The following COL6A2 variants were observed in gnomAD, a reference collection of about 807,000 sequenced individuals.
COL6A2 encodes collagen alpha-2(VI) chain.
Under a neutral mutation model 124.9 loss-of-function variants are expected in COL6A2, and 90 were observed. That is an observed-to-expected ratio of 0.72 (90% CI 0.61 to 0.86). The LOEUF is 0.86. Ranked by LOEUF, COL6A2 falls within the 40% of genes least tolerant of loss-of-function variation. The pLI is 0.00. For missense variants in COL6A2, 1,607 were observed against 1,502.5 expected (o/e 1.07, Z -1.15); for synonymous variants, 793 against 618.2 (o/e 1.28, Z -4.19).
chr21:46,107,456 G>A (rs1377519647), intron 1 of COL6A2, among the ~76,000 whole-genome samples: 1 of 152,124 alleles, frequency 6.6e-6, no homozygotes, highest in Non-Finnish European at 1.5e-5. Context: ...ATTTTGAAAT[G>A]GCCCTGCAAA....
chr21:46,112,984 A>G, intron 4 of COL6A2, 160 bp downstream of exon 4: 2 of 891,076 alleles, frequency 2.2e-6, no homozygotes, highest in Non-Finnish European at 3.5e-6. Context: ...GTCTGGAGAA[A>G]GGGCTCCCAG....
chr21:46,116,723 G>T lies in COL6A2; in HGVS notation c.954+46G>T, dbSNP rs2078476430. The stretch of plus-strand genomic sequence containing the variant: ...GAGCCCCTCCTTCCTGCTGCTCAGG[G>T]CAGAAGGACCGGGGCTAATGGAGTT... On this transcript the variant is annotated intron_variant, in intron 9 of 27. Transcript: ENST00000300527. The surrounding 1 kb of genome is among the most constrained non-coding windows in gnomAD (Gnocchi z 4.6). 3.7e-6 allele frequency: 6 copies of T among 1,613,062 alleles called. No individual in the cohort carries two copies. Among genetic ancestry groups the T allele is most frequent in the Non-Finnish European group, 4.2e-6 (5 of 1,180,000 alleles).
At chr21:46,126,611 G>A in intron 27 of COL6A2, 70 bp downstream of exon 27, 1 of 1,592,314 alleles carries the variant, frequency 6.3e-7, no homozygotes, top group Non-Finnish European at 8.6e-7. Flanking sequence ...CTCCTCGAGG[G>A]CCGGGCTGGG....
Position 46,122,138 on chromosome 21 carries a change from C to A in COL6A2, c.1552C>A (p.Pro518Thr). ...GDPGRPGFSY[P>T]GPRGAPGEKG... ...CCCCGGCAGGCCTGGATTCAGCTAC[C>A]CAGGACCCCGAGGAGCACCCGTGAG... The change falls in exon 19 of 28, where the codon CCA becomes ACA. Residue 518 changes from proline to threonine, a missense_variant. Physicochemically the swap from Pro to Thr is conservative, Grantham distance 38. Transcript: ENST00000300527. The A allele has an allele frequency of 6.2e-7, 1 of 1,612,748 alleles. No homozygotes were observed. Among genetic ancestry groups the A allele is most frequent in the Non-Finnish European group, 8.5e-7 (1 of 1,179,994 alleles).
chr21:46,127,144 G>A (rs2078683484), intron 27 of COL6A2, among the ~76,000 whole-genome samples: 1 of 152,128 alleles, frequency 6.6e-6, no homozygotes, highest in Non-Finnish European at 1.5e-5. Flanking sequence ...ACCGTACCTG[G>A]GCCCACAGGA....
At chr21:46,121,310 C>T (rs1183967050) in intron 17 of COL6A2, among the ~76,000 whole-genome samples, 187 bp downstream of exon 17, 1 of 152,192 alleles carries the variant, frequency 6.6e-6, no homozygotes, top group African/African-American at 2.4e-5. Context: ...CCCCAGCCCC[C>T]CATCCTGCCC....
chr21:46,120,653 G>GGATCTGAGGGGGTGCAGGGGGGC, intron 16 of COL6A2, 76 bp downstream of exon 16: 1 of 1,364,482 alleles, frequency 7.3e-7, no homozygotes, highest in Non-Finnish European at 9.7e-7. Context: ...CCAAGGTAGG[G>GGATCTGAGGGGGTGCAGGGGGGC]TGGCCGGGAC....
chr21:46,127,109 T>G (rs1054925551), intron 27 of COL6A2, among the ~76,000 whole-genome samples: 1 of 152,070 alleles, frequency 6.6e-6, no homozygotes, highest in African/African-American at 2.4e-5. Context: ...CTGGACGTGG[T>G]GCTGCCCCCA....
Position 46,125,314 on chromosome 21 carries a change from G to A in COL6A2, c.1816+3G>A, listed in dbSNP as rs1268439578. 2.5e-6 allele frequency: 4 copies of A among 1,610,636 alleles called. No individual in the cohort carries two copies. In the African/African-American group the frequency reaches 4.0e-5, roughly 16 times the overall value. On this transcript the variant is annotated splice_donor_region_variant and intron_variant, in intron 24 of 27. Coordinates refer to ENST00000300527, the MANE Select transcript of COL6A2 (RefSeq NM_001849.4). ...GAGGGAGACCTGCGGGTGCTGCGGT[G>A]AGGCACTGCCCACGGCAGGGTCGGG...
In COL6A2 at chr21:46,126,377, C is replaced by A; in HGVS notation, c.2423-126C>A. 3.3e-6 allele frequency: 5 copies of A among 1,520,224 alleles called. No homozygotes were observed. In the South Asian group the frequency reaches 5.6e-5, roughly 17 times the overall value. The allele number at this position is 1,520,224 out of a possible 1,614,324, so 94.2% of individuals were successfully genotyped here. On this transcript the variant is annotated intron_variant, in intron 26 of 27. Coordinates refer to ENST00000300527, the MANE Select transcript of COL6A2 (RefSeq NM_001849.4). Reference sequence around the variant, plus strand: ...GGGCTGTGGGTGGGAAGGGGTCGGGCCCTCTCGGGGCTGCAGGGCAGAGGC... The same window carrying A: ...GGGCTGTGGGTGGGAAGGGGTCGGGACCTCTCGGGGCTGCAGGGCAGAGGC...
chr21:46,130,499 C>T (rs1168223182), intron 27 of COL6A2, among the ~76,000 whole-genome samples: 1 of 152,172 alleles, frequency 6.6e-6, no homozygotes, highest in Non-Finnish European at 1.5e-5. Context: ...CTGCACAGGG[C>T]AGGCCAGGCT....
chr21:46,105,895 G>A (rs565658079), intron 1 of COL6A2, among the ~76,000 whole-genome samples: 3 of 152,168 alleles, frequency 2.0e-5, no homozygotes, highest in Non-Finnish European at 4.4e-5. Context: ...AGATGTAAAT[G>A]GATTAAACTC....
At chr21:46,129,261 A>G in intron 27 of COL6A2, 1 of 1,612,786 alleles carries the variant, frequency 6.2e-7, no homozygotes, top group South Asian at 1.1e-5. Flanking sequence ...GCCGGACGCC[A>G]CCTTCCCCAG....
rs538451391 is a variant in COL6A2, at chr21:46,120,918, C to T, written c.1396-143C>T. On this transcript the variant is annotated intron_variant, in intron 16 of 27. Coordinates refer to ENST00000300527, the MANE Select transcript of COL6A2 (RefSeq NM_001849.4). ...CTCAGGGCTGAAGGTCAAGTGGAGCCACAGCCTCCGGGGAGGGTCATAGGG... is the reference window on the plus strand; with the variant it reads ...CTCAGGGCTGAAGGTCAAGTGGAGCTACAGCCTCCGGGGAGGGTCATAGGG... The T allele has an allele frequency of 9.9e-5, 79 of 801,326 alleles. No individual in the cohort carries two copies. In the African/African-American group the frequency reaches 1.3e-3, roughly 13 times the overall value. The allele number at this position is 801,326 out of a possible 1,614,324, so 49.6% of individuals were successfully genotyped here.
intron 17 of COL6A2, 75 bp downstream of exon 17, chr21:46,121,198 G>A (rs2123645510): frequency 7.0e-7 from 1 of 1,429,902 alleles, no homozygotes; most frequent in East Asian, 2.3e-5. Flanking sequence ...GGGACAGCCT[G>A]GAGCTAGCCA....
intron 21 of COL6A2, among the ~76,000 whole-genome samples, chr21:46,123,271 A>C (rs1385598528): frequency 2.5e-5 from 1 of 39,420 alleles, no homozygotes; most frequent in African/African-American, 6.9e-5. Context: ...TCCCCTCCCC[A>C]GCGACCCCAA....
chr21:46,127,904 A>G (rs1224183939), intron 27 of COL6A2, among the ~76,000 whole-genome samples: 2 of 152,084 alleles, frequency 1.3e-5, no homozygotes, highest in Non-Finnish European at 2.9e-5. Flanking sequence ...TTGAATTTCC[A>G]GTGTTGAGCC....
chr21:46,120,309 CGA>C (rs1391625854), intron 15 of COL6A2, among the ~76,000 whole-genome samples: 3 of 152,128 alleles, frequency 2.0e-5, no homozygotes, highest in Non-Finnish European at 4.4e-5. Context: ...TCAGGGGGAC[CGA>C]GAGACACCGT....
chr21:46,117,397 C>T lies in COL6A2; in HGVS notation c.1000-3C>T. 1 of 1,612,744 alleles carries T rather than the reference C, an allele frequency of 6.2e-7. No homozygotes were observed. The highest frequency in any genetic ancestry group is 8.5e-7 in the Non-Finnish European group (1 of 1,179,872). On this transcript the variant is annotated splice_region_variant and splice_polypyrimidine_tract_variant and intron_variant, in intron 10 of 27. Coordinates refer to ENST00000300527, the MANE Select transcript of COL6A2 (RefSeq NM_001849.4). ...AGACTCCTCCTGCCCCCTTCTCCTT[C>T]AGGGCAAGCTGGGGCGCATCGGACC...
Sources: allele counts gnomAD v4.1 joint callset (sites outside exome capture counted in the v4.1 genomes callset), GRCh38; gene constraint gnomAD v4.1.1; non-coding constraint Gnocchi (gnomAD v3.1); transcripts MANE v1.5; gene names NCBI Gene and HGNC (gene_info 2026-07-23, HGNC 2026-07-21).